DOCK9: variants seen among roughly 807,000 people sequenced by gnomAD.
DOCK9 encodes the protein dedicator of cytokinesis protein 9.
Under a neutral mutation model 263.3 loss-of-function variants are expected in DOCK9, and 89 were observed. The observed-to-expected ratio is 0.34, with a 90% CI of 0.28 to 0.40. DOCK9 has a LOEUF of 0.40. Ranked by LOEUF, DOCK9 falls within the 10% of genes least tolerant of loss-of-function variation. The pLI is 1.00. For missense variants in DOCK9, 2,140 were observed against 2,603.4 expected (o/e 0.82, Z 3.87); for synonymous variants, 976 against 973.1 (o/e 1.00, Z -0.06).
intron 32 of DOCK9, 95 bp downstream of exon 32, chr13:98,862,924 A>G: frequency 9.7e-7 from 1 of 1,034,580 alleles, no homozygotes; most frequent in South Asian, 1.5e-5. Flanking sequence ...GAGAGAATAA[A>G]CTGCTGCTGC....
At chr13:98,995,770 G>A (rs1305071859) in intron 1 of DOCK9, among the ~76,000 whole-genome samples, 2 of 152,152 alleles carry the variant, frequency 1.3e-5, no homozygotes, top group African/African-American at 4.8e-5. Flanking sequence ...TTACAGGTGT[G>A]AGCCACTGCG....
chr13:98,990,518 C>T (rs1376176237), intron 1 of DOCK9, among the ~76,000 whole-genome samples: 1 of 152,220 alleles, frequency 6.6e-6, no homozygotes, highest in Non-Finnish European at 1.5e-5. Context: ...GCACATACTA[C>T]TACAGCTTAT....
At chr13:98,842,858 A>G (rs2093270123) in intron 38 of DOCK9, among the ~76,000 whole-genome samples, 1 of 152,244 alleles carries the variant, frequency 6.6e-6, no homozygotes, top group Non-Finnish European at 1.5e-5. Flanking sequence ...CTGTCTTTTA[A>G]GGGTGTTTTT....
intron 1 of DOCK9, among the ~76,000 whole-genome samples, chr13:99,046,997 C>T (rs2040463757): frequency 6.6e-6 from 1 of 152,180 alleles, no homozygotes; most frequent in Non-Finnish European, 1.5e-5. Flanking sequence ...GGTTTAATCT[C>T]CTATCTCTGA....
At chr13:98,868,878 A>T (rs1461681064) in intron 27 of DOCK9, among the ~76,000 whole-genome samples, 4 of 152,248 alleles carry the variant, frequency 2.6e-5, no homozygotes, top group Non-Finnish European at 5.9e-5. Flanking sequence ...GCTGTGGATT[A>T]AAACTGGAAC....
Position 98,836,237 on chromosome 13 carries a change from G to A in DOCK9, c.4314+1257C>T, listed in dbSNP as rs536925231. On this transcript the variant is annotated intron_variant, in intron 39 of 52. Coordinates refer to ENST00000682017, the MANE Select transcript of DOCK9 (RefSeq NM_001366683.2). ...CTTATTTACCTGGTGGGGCACAGGA[G>A]GAGAGGGGAAGAAGGTGTTGCTGCT... Among the ~76,000 whole-genome samples the A allele has an allele frequency of 2.3e-3, 349 of 152,272 alleles. 7 individuals carry two copies. The South Asian group carries it at 0.042, about 18-fold the overall frequency.
At chr13:98,943,026 C>G (rs2056192498) in intron 2 of DOCK9, among the ~76,000 whole-genome samples, 1 of 152,236 alleles carries the variant, frequency 6.6e-6, no homozygotes, top group Middle Eastern at 3.2e-3. Flanking sequence ...CTTAGGAAGA[C>G]ATACTCCCTA....
At chr13:98,934,512 G>A (rs1221661067) in intron 2 of DOCK9, among the ~76,000 whole-genome samples, 5 of 152,206 alleles carry the variant, frequency 3.3e-5, no homozygotes, top group African/African-American at 1.2e-4. Flanking sequence ...ATTGTCTTAA[G>A]TTACGAAGCT....
intron 1 of DOCK9, among the ~76,000 whole-genome samples, chr13:99,080,330 C>T (rs1406864592): frequency 6.6e-6 from 1 of 152,144 alleles, no homozygotes. Flanking sequence ...TTGGGCCTGC[C>T]TGACAGAAAA....
intron 15 of DOCK9, 110 bp from the exon 16 acceptor site, chr13:98,888,821 A>T: frequency 1.1e-6 from 1 of 919,908 alleles, no homozygotes; most frequent in South Asian, 1.6e-5. Context: ...AGACAATTTT[A>T]AACATTCTAG....
At chr13:98,904,043 G>A (rs1230838651) in intron 10 of DOCK9, among the ~76,000 whole-genome samples, 2 of 152,168 alleles carry the variant, frequency 1.3e-5, no homozygotes, top group East Asian at 3.8e-4. Context: ...GGAAATGGAT[G>A]GTGGTAATGG....
intron 52 of DOCK9, among the ~76,000 whole-genome samples, 181 bp downstream of exon 52, chr13:98,796,934 G>A (rs1330286795): frequency 6.6e-6 from 1 of 152,128 alleles, no homozygotes; most frequent in Non-Finnish European, 1.5e-5. Context: ...AACAGCATAT[G>A]GGCAATCTGT....
At chr13:98,806,036 T>A (rs1248816417) in intron 48 of DOCK9, among the ~76,000 whole-genome samples, 1 of 152,120 alleles carries the variant, frequency 6.6e-6, no homozygotes, top group East Asian at 1.9e-4. Context: ...CTGGTTTTCT[T>A]ATTGAATGAC....
At chr13:98,915,072 A>G (rs1451928782) in intron 8 of DOCK9, among the ~76,000 whole-genome samples, 1 of 152,184 alleles carries the variant, frequency 6.6e-6, no homozygotes, top group Non-Finnish European at 1.5e-5. Context: ...TACAGTATTT[A>G]TGGCACTCAA....
chr13:99,030,110 G>A (rs577975883), intron 1 of DOCK9, among the ~76,000 whole-genome samples: 2 of 152,300 alleles, frequency 1.3e-5, no homozygotes, highest in African/African-American at 4.8e-5. Context: ...TGGAGTTGGG[G>A]GTACAGAGAA....
At chr13:98,834,574 G>C (rs1043333866) in intron 39 of DOCK9, 1 of 152,138 alleles carries the variant, frequency 6.6e-6, no homozygotes, top group Non-Finnish European at 1.5e-5. Flanking sequence ...AAATGGAACT[G>C]CTAAAAACAC....
At chr13:99,070,597 C>T (rs1886552) in intron 1 of DOCK9, among the ~76,000 whole-genome samples, 152,221 of 152,350 alleles carry the variant, frequency 1, 76,046 homozygotes, top group Middle Eastern at 1. Flanking sequence ...TGCCAGGCCC[C>T]ATTCTAAGTG....
At chr13:98,904,295 C>T (rs964661394) in intron 10 of DOCK9, among the ~76,000 whole-genome samples, 6 of 152,156 alleles carry the variant, frequency 3.9e-5, no homozygotes, top group Non-Finnish European at 5.9e-5. Context: ...CTGGGCTAGT[C>T]GGGAATTATC....
At chr13:98,988,440 T>C (rs9517528) in intron 1 of DOCK9, among the ~76,000 whole-genome samples, 22,581 of 152,244 alleles carry the variant, frequency 0.15, 2,415 homozygotes, top group East Asian at 0.43. Flanking sequence ...CCGTCCACCC[T>C]GAGACAGGTC....
Sources: gnomAD v4.1 joint callset for allele counts (sites outside exome capture counted in the v4.1 genomes callset) on GRCh38, gnomAD v4.1.1 for gene constraint, MANE v1.5 for transcripts, NCBI Gene and HGNC (gene_info 2026-07-23, HGNC 2026-07-21) for gene names.